MYLK: variants seen among roughly 807,000 people sequenced by gnomAD.
MYLK encodes myosin light chain kinase, smooth muscle.
MYLK carries 106 observed loss-of-function variants against 203.4 expected under a neutral mutation model. The observed-to-expected ratio is 0.52, with a 90% confidence interval of 0.45 to 0.61. The LOEUF is 0.61. MYLK is among the 20% of genes least tolerant of loss of function. MYLK has a pLI of 0.00. For synonymous variants in MYLK, 867 were observed against 959.5 expected, an observed-to-expected ratio of 0.90 and a Z score of 1.78; for missense variants, 2,072 against 2,442.3, an observed-to-expected ratio of 0.85 and a Z score of 3.20.
At chr3:123,826,008 G>A (rs2066105565) in intron 3 of MYLK, among the ~76,000 whole-genome samples, 1 of 152,144 alleles carries the variant, frequency 6.6e-6, no homozygotes, top group Non-Finnish European at 1.5e-5. Context: ...CTCCATAATA[G>A]CATCCCCCCT....
intron 1 of MYLK, among the ~76,000 whole-genome samples, chr3:123,876,915 AC>A (rs1459342331): frequency 1.3e-5 from 2 of 152,254 alleles, no homozygotes; most frequent in African/African-American, 4.8e-5. Context: ...GAAAAATTAA[AC>A]AAATGATAAA....
chr3:123,874,625 T>C (rs1030420078), intron 2 of MYLK, among the ~76,000 whole-genome samples: 1 of 152,158 alleles, frequency 6.6e-6, no homozygotes, highest in Non-Finnish European at 1.5e-5. Context: ...CTTTAAAAAT[T>C]GATAAATTGA....
At chr3:123,799,976 A>C (rs1401471797) in intron 3 of MYLK, 1 of 152,292 alleles carries the variant, frequency 6.6e-6, no homozygotes, top group Non-Finnish European at 1.5e-5. Context: ...CACAGAGCCC[A>C]GGGCCAGACC....
chr3:123,691,726 A>G (rs1174941115), intron 19 of MYLK: 1 of 152,286 alleles, frequency 6.6e-6, no homozygotes, highest in Non-Finnish European at 1.5e-5. Context: ...CTGGGCTTCA[A>G]GATGCCTTAT....
intron 30 of MYLK, among the ~76,000 whole-genome samples, chr3:123,628,809 G>A (rs2107996598): frequency 6.6e-6 from 1 of 152,260 alleles, no homozygotes. Context: ...CATGCATGCT[G>A]ACCTCCCACT....
chr3:123,839,858 G>A (rs2682200), intron 2 of MYLK, among the ~76,000 whole-genome samples: 127,129 of 152,182 alleles, frequency 0.84, 53,266 homozygotes, highest in East Asian at 0.96. Flanking sequence ...TTCTCTGATC[G>A]TTATGAAATT....
At position 123,649,198 on chromosome 3, in the gene MYLK, G is replaced by C. The variant is rs376670657; in HGVS notation, c.4289-4C>G. ...ACCTCCACTTCATCCTTCGGCTCTG[G>C]GGGGGGCACAAGGAAGGACAGAGAG... is the stretch of plus-strand genomic sequence containing the variant. On this transcript the variant is annotated splice_polypyrimidine_tract_variant and splice_region_variant and intron_variant, in intron 24 of 33. Transcript: ENST00000360304. The C allele has an allele frequency of 6.2e-4, 1,007 of 1,612,178 alleles. 4 individuals are homozygous for C. The highest frequency in any genetic ancestry group is 4.9e-3 in the African/African-American group (368 of 74,886).
intron 2 of MYLK, among the ~76,000 whole-genome samples, chr3:123,860,028 C>T (rs1032706514): frequency 6.6e-6 from 1 of 151,964 alleles, no homozygotes; most frequent in African/African-American, 2.4e-5. Context: ...AAACACAATT[C>T]TAAAAGTGAA....
intron 4 of MYLK, among the ~76,000 whole-genome samples, chr3:123,758,235 G>T (rs1010043109): frequency 6.6e-6 from 1 of 152,136 alleles, no homozygotes; most frequent in Non-Finnish European, 1.5e-5. Context: ...CCATAAGCAG[G>T]CAGGCACTTA....
At chr3:123,782,529 C>T (rs1374436360) in intron 4 of MYLK, among the ~76,000 whole-genome samples, 5 of 152,206 alleles carry the variant, frequency 3.3e-5, no homozygotes, top group African/African-American at 1.2e-4. Flanking sequence ...GGAATCTGAA[C>T]ATCCTGGGCT....
chr3:123,697,891 C>T (rs2060997780), intron 18 of MYLK, among the ~76,000 whole-genome samples: 1 of 152,064 alleles, frequency 6.6e-6, no homozygotes, highest in African/African-American at 2.4e-5. Context: ...CTGAACTGTT[C>T]CCTCTGGGAC....
chr3:123,839,718 C>G (rs2148644355), intron 2 of MYLK, among the ~76,000 whole-genome samples: 1 of 152,300 alleles, frequency 6.6e-6, no homozygotes, highest in Admixed American at 6.5e-5. Context: ...ACTGAATTGA[C>G]ACTTGACCCA....
At position 123,734,134 on chromosome 3, in the gene MYLK, G is replaced by A; in HGVS notation, c.862C>T (p.Leu288=). ...VISKESKLDS[L]EAAAKSKNCS... Reference sequence around the variant, plus strand: ...TTCTTGCTTTTGGCTGCAGCCTCCAGACTGTCCAGCTTCGACTCCTTTGAG... The same window carrying A: ...TTCTTGCTTTTGGCTGCAGCCTCCAAACTGTCCAGCTTCGACTCCTTTGAG... The change falls in exon 10 of 34, where the codon CTG becomes TTG. Residue 288 remains leucine (L), a synonymous_variant. Coordinates refer to ENST00000360304, the MANE Select transcript of MYLK (RefSeq NM_053025.4). 6.3e-7 allele frequency: 1 copy of A among 1,592,156 alleles called. No individual in the cohort carries two copies. Among genetic ancestry groups the A allele is most frequent in the Non-Finnish European group, 8.5e-7 (1 of 1,170,352 alleles).
intron 20 of MYLK, among the ~76,000 whole-genome samples, chr3:123,671,945 G>A (rs939743012): frequency 7.2e-5 from 11 of 151,984 alleles, no homozygotes; most frequent in African/African-American, 1.2e-4. Flanking sequence ...GGCTTCTACC[G>A]GAGCCCAGAT....
At chr3:123,743,089 T>C (rs1016145382) in intron 5 of MYLK, among the ~76,000 whole-genome samples, 1 of 152,208 alleles carries the variant, frequency 6.6e-6, no homozygotes, top group Non-Finnish European at 1.5e-5. Flanking sequence ...ATGACAATTG[T>C]ACACTTTAAA....
chr3:123,878,933 G>A (rs748781863), intron 1 of MYLK, among the ~76,000 whole-genome samples: 15 of 152,150 alleles, frequency 9.9e-5, no homozygotes, highest in Non-Finnish European at 2.1e-4. Flanking sequence ...TGATCCACCC[G>A]CCTTGGCCTC....
chr3:123,677,672 A>G (rs550270634), intron 20 of MYLK, among the ~76,000 whole-genome samples: 94 of 152,074 alleles, frequency 6.2e-4, no homozygotes, highest in South Asian at 1.0e-3. Flanking sequence ...CACAAAGAAC[A>G]TTATTAGAAC....
At chr3:123,628,892 G>T (rs953785059) in intron 30 of MYLK, among the ~76,000 whole-genome samples, 6 of 152,230 alleles carry the variant, frequency 3.9e-5, no homozygotes, top group African/African-American at 9.6e-5. Flanking sequence ...CTGGGAGAGG[G>T]CTAAGCCCAG....
Position 123,629,720 on chromosome 3 carries a change from C to G in MYLK, c.4962-94G>C. The G allele has an allele frequency of 7.5e-7, 1 of 1,324,726 alleles. No individual in the cohort carries two copies. Among genetic ancestry groups the G allele is most frequent in the South Asian group, 1.2e-5 (1 of 83,126 alleles). The allele number at this position is 1,324,726 out of a possible 1,614,324, so 82.1% of individuals were successfully genotyped here. A position where few individuals can be genotyped will look rare whatever the true frequency, so the allele number is the denominator to read the frequency against. ...GAGGTCAAAGGCGAGGGTCGGCCAG[C>G]CTCCCCACCCCCAAACTCATGCTCT... On this transcript the variant is annotated intron_variant, in intron 29 of 33. Transcript: ENST00000360304. This position sits in a 1 kb window ranked among gnomAD's most constrained non-coding sequence, Gnocchi z 4.4.
Sources: allele counts gnomAD v4.1 joint callset (sites outside exome capture counted in the v4.1 genomes callset), GRCh38; gene constraint gnomAD v4.1.1; non-coding constraint Gnocchi (gnomAD v3.1); transcripts MANE v1.5; gene names NCBI Gene and HGNC (gene_info 2026-07-23, HGNC 2026-07-21).